METTL16: variants seen among roughly 807,000 people sequenced by gnomAD.
The protein encoded by METTL16 is RNA N(6)-adenosine-methyltransferase METTL16.
METTL16 carries 19 observed loss-of-function variants against 57.9 expected under a neutral mutation model. That is an observed-to-expected ratio of 0.33 (90% confidence interval 0.23 to 0.48). The LOEUF is 0.48. METTL16 is among the 20% of genes least tolerant of loss of function. The pLI is 0.99. For synonymous variants in METTL16, 246 were observed against 255.6 expected (o/e 0.96, Z 0.36); for missense variants, 434 against 691.5 (o/e 0.63, Z 4.18).
chr17:2,506,695 G>A (rs2067538942), intron 1 of METTL16, among the ~76,000 whole-genome samples: 2 of 152,144 alleles, frequency 1.3e-5, no homozygotes, highest in South Asian at 4.1e-4. Flanking sequence ...TGCAGCCTCT[G>A]CCCAGCCGCC....
At chr17:2,489,419 C>T (rs1271552962) in intron 2 of METTL16, among the ~76,000 whole-genome samples, 1 of 152,072 alleles carries the variant, frequency 6.6e-6, no homozygotes, top group Admixed American at 6.6e-5. Flanking sequence ...CTTTGGTAGG[C>T]CGAGGCAGGC....
chr17:2,423,581 C>G (rs1214805937), intron 8 of METTL16, among the ~76,000 whole-genome samples: 2 of 152,024 alleles, frequency 1.3e-5, no homozygotes, highest in African/African-American at 4.8e-5. Flanking sequence ...ATCAGACTCC[C>G]CATTCCCCGT....
intron 8 of METTL16, among the ~76,000 whole-genome samples, chr17:2,421,791 A>C (rs2066768225): frequency 6.6e-6 from 1 of 152,170 alleles, no homozygotes; most frequent in African/African-American, 2.4e-5. Context: ...CACTAAGATC[A>C]CGTGGGCAGA....
chr17:2,478,355 A>C (rs2067281523), intron 2 of METTL16, among the ~76,000 whole-genome samples: 1 of 152,234 alleles, frequency 6.6e-6, no homozygotes, highest in African/African-American at 2.4e-5. Flanking sequence ...ATCTGACATT[A>C]GCATTCCTTG....
chr17:2,485,396 T>C (rs2067333961), intron 2 of METTL16, among the ~76,000 whole-genome samples: 1 of 152,144 alleles, frequency 6.6e-6, no homozygotes, highest in Non-Finnish European at 1.5e-5. Flanking sequence ...ATAAATGTAA[T>C]GCGCTTGAAT....
chr17:2,475,684 A>T (rs757002859), intron 3 of METTL16, among the ~76,000 whole-genome samples: 3 of 152,248 alleles, frequency 2.0e-5, no homozygotes, highest in South Asian at 2.1e-4. Flanking sequence ...AAGCCAAATG[A>T]CATTTTTAAA....
chr17:2,485,730 A>T (rs534661306), intron 2 of METTL16, among the ~76,000 whole-genome samples: 1 of 152,202 alleles, frequency 6.6e-6, no homozygotes, highest in Admixed American at 6.5e-5. Flanking sequence ...GCAAAATGCT[A>T]GGGATATTGC....
intron 2 of METTL16, among the ~76,000 whole-genome samples, chr17:2,485,886 C>G (rs781552455): frequency 1.3e-5 from 2 of 152,154 alleles, no homozygotes; most frequent in African/African-American, 4.8e-5. Context: ...ACTGACCCCC[C>G]CTAATTAGTG....
chr17:2,462,339 G>A (rs748442635), intron 6 of METTL16, among the ~76,000 whole-genome samples: 2 of 152,196 alleles, frequency 1.3e-5, no homozygotes, highest in Non-Finnish European at 2.9e-5. Flanking sequence ...GAGAATAGGA[G>A]GGATTTAACG....
At chr17:2,446,814 C>G (rs541709825) in intron 6 of METTL16, among the ~76,000 whole-genome samples, 1 of 152,286 alleles carries the variant, frequency 6.6e-6, no homozygotes, top group Admixed American at 6.5e-5. Context: ...AGCTCCTAGC[C>G]GTGAGTGATC....
rs1412139429 is a variant in METTL16 at position 2,507,274 on chromosome 17, T to C, written c.-1+4485A>G. Among the ~76,000 whole-genome samples the C allele has an allele frequency of 3.6e-5, 5 of 137,060 alleles. No homozygotes were observed. In the East Asian group the frequency reaches 1.1e-3, roughly 31 times the overall value. 89.9% of individuals were successfully genotyped at this position (137,060 alleles called of 152,430 possible). ...GGCGCCTCTGCCCGGCCGCCTCTAC[T>C]GGGAAGAGAGGAGCCCCTCTGCCCG... On this transcript the variant is annotated intron_variant, in intron 1 of 9. Coordinates refer to ENST00000263092, the MANE Select transcript of METTL16 (RefSeq NM_024086.4).
At chr17:2,510,803 C>T (rs1033402884) in intron 1 of METTL16, among the ~76,000 whole-genome samples, 1 of 152,118 alleles carries the variant, frequency 6.6e-6, no homozygotes, top group Non-Finnish European at 1.5e-5. Flanking sequence ...GCTGGGACTA[C>T]AGGTACAGAG....
At chr17:2,477,629 T>G in intron 3 of METTL16, 57 bp downstream of exon 3, 2 of 1,316,002 alleles carry the variant, frequency 1.5e-6, no homozygotes, top group Non-Finnish European at 2.2e-6. Context: ...ACAAAGAATT[T>G]GATCTCGCAA....
At chr17:2,487,095 A>G (rs149778786) in intron 2 of METTL16, among the ~76,000 whole-genome samples, 33 of 151,026 alleles carry the variant, frequency 2.2e-4, no homozygotes, top group Middle Eastern at 3.4e-3. Flanking sequence ...GATATTTTGG[A>G]GAGAACATCT....
chr17:2,507,298 C>T (rs1249608460), intron 1 of METTL16, among the ~76,000 whole-genome samples: 7 of 147,676 alleles, frequency 4.7e-5, no homozygotes, highest in Admixed American at 2.7e-4. Flanking sequence ...CCCCTCTGCC[C>T]GGCCAGCCAC....
At chr17:2,500,643 A>G (rs2067480817) in intron 2 of METTL16, among the ~76,000 whole-genome samples, 2 of 152,106 alleles carry the variant, frequency 1.3e-5, no homozygotes, top group Non-Finnish European at 2.9e-5. Context: ...CCCATAGCTG[A>G]ATCACCACGC....
intron 2 of METTL16, among the ~76,000 whole-genome samples, chr17:2,496,914 A>G (rs2067449816): frequency 6.6e-6 from 1 of 151,754 alleles, no homozygotes. Flanking sequence ...TGGACTTCCC[A>G]GCCCCCAGAC....
At chr17:2,430,281 T>C (rs1196501955) in intron 8 of METTL16, among the ~76,000 whole-genome samples, 3 of 152,064 alleles carry the variant, frequency 2.0e-5, no homozygotes, top group African/African-American at 7.2e-5. Context: ...CCTGGCTATT[T>C]TTTTTTTTCA....
rs924322155 is a variant in METTL16, at chr17:2,417,979, A to G, written c.*1991T>C. ...AATGTAATATTCACTCGAGGTAAGG[A>G]CAGTGGGGTGGTGTGGGCTGGCACA... On this transcript the variant is annotated 3_prime_UTR_variant, in exon 10 of 10. Transcript: ENST00000263092. The G allele has an allele frequency of 6.6e-6, 1 of 152,204 alleles. No homozygotes were observed. The highest frequency in any genetic ancestry group is 2.4e-5 in the African/African-American group (1 of 41,444). The allele number at this position is 152,204 out of a possible 1,614,324, so 9.4% of individuals were successfully genotyped here.
Sources: gnomAD v4.1 joint callset for allele counts (sites outside exome capture counted in the v4.1 genomes callset) on GRCh38, gnomAD v4.1.1 for gene constraint, MANE v1.5 for transcripts, NCBI Gene and HGNC (gene_info 2026-07-23, HGNC 2026-07-21) for gene names.